FAM184B: variants seen among roughly 807,000 people sequenced by gnomAD.
FAM184B encodes the protein family with sequence similarity 184 member B, also known as protein FAM184B.
In FAM184B, 111 loss-of-function variants were observed where a neutral mutation model predicts 135.9. That is an observed-to-expected ratio of 0.82 (90% CI 0.70 to 0.96). The LOEUF is 0.96. Ranked by LOEUF, FAM184B falls within the 40% of genes least tolerant of loss-of-function variation. FAM184B has a pLI of 0.00. For synonymous variants in FAM184B, 552 were observed against 524.8 expected (o/e 1.05, Z -0.71); for missense variants, 1,375 against 1,323.9 (o/e 1.04, Z -0.60).
chr4:17,675,315 G>T (rs1474582725), intron 7 of FAM184B, among the ~76,000 whole-genome samples: 1 of 152,120 alleles, frequency 6.6e-6, no homozygotes, highest in Non-Finnish European at 1.5e-5. Context: ...GGGTGACCAG[G>T]TGGTCAGTAA....
rs1270448057 is a variant in FAM184B, at chr4:17,636,525, C to T, written c.2784+3G>A. ...TGGGTGAGGCGCCCCCTGACAGCCT[C>T]ACCGTGAGCTGCTTGATGATGTCCT... is the stretch of plus-strand genomic sequence containing the variant. On this transcript the variant is annotated splice_donor_region_variant and intron_variant, in intron 15 of 17. Transcript: ENST00000265018. 1.9e-6 allele frequency: 3 copies of T among 1,550,026 alleles called. No homozygotes were observed. Among genetic ancestry groups the T allele is most frequent in the East Asian group, 2.4e-5 (1 of 40,888 alleles).
chr4:17,669,145 C>T (rs1716117359), intron 7 of FAM184B, among the ~76,000 whole-genome samples: 4 of 152,304 alleles, frequency 2.6e-5, no homozygotes, highest in Admixed American at 2.6e-4. Flanking sequence ...GAACTGGTCA[C>T]AGGGCCCAGT....
At position 17,709,220 on chromosome 4, in the gene FAM184B, T is replaced by G; in HGVS notation, c.566A>C (p.Gln189Pro). ...CAGGACCTCCTGCATCTCCGGGCCCTGGCCTGGCTCCGACTTGGTTTCAGG... is the reference window on the plus strand; with the variant it reads ...CAGGACCTCCTGCATCTCCGGGCCCGGGCCTGGCTCCGACTTGGTTTCAGG... ...ESPETKSEPG[Q>P]GPEMQEVLLE... Residue 189 changes from glutamine to proline, a missense_variant, in exon 2 of 18, where the codon CAG (glutamine) becomes CCG (proline). By Grantham distance (76) the Gln-to-Pro change is moderately conservative (BLOSUM62 -1). Transcript: ENST00000265018. 7.1e-6 allele frequency: 11 copies of G among 1,547,532 alleles called. No individual in the cohort carries two copies. The highest frequency in any genetic ancestry group is 9.6e-6 in the Non-Finnish European group (11 of 1,145,580).
intron 10 of FAM184B, among the ~76,000 whole-genome samples, chr4:17,654,234 A>G (rs1178314491): frequency 6.6e-6 from 1 of 150,976 alleles, no homozygotes; most frequent in African/African-American, 2.4e-5. Flanking sequence ...CAGTTAATAT[A>G]TATCCCCAGG....
intron 1 of FAM184B, among the ~76,000 whole-genome samples, chr4:17,732,505 A>C (rs1185440606): frequency 1.3e-5 from 2 of 152,202 alleles, no homozygotes; most frequent in Non-Finnish European, 2.9e-5. Flanking sequence ...TAAAGGGGAT[A>C]TCACCTCCGA....
At chr4:17,750,354 A>G (rs1397633149) in intron 1 of FAM184B, among the ~76,000 whole-genome samples, 1 of 152,234 alleles carries the variant, frequency 6.6e-6, no homozygotes, top group Non-Finnish European at 1.5e-5. Flanking sequence ...CAGAGATGCC[A>G]GTAAGATATT....
chr4:17,721,724 A>G (rs1174979030), intron 1 of FAM184B, among the ~76,000 whole-genome samples: 2 of 152,176 alleles, frequency 1.3e-5, no homozygotes, highest in Non-Finnish European at 2.9e-5. Context: ...CCTGTTTGCT[A>G]GCACATGGTG....
rs144009986 is a variant in FAM184B at position 17,691,142 on chromosome 4, C to T, written c.1488+2160G>A. On this transcript the variant is annotated intron_variant, in intron 6 of 17. Coordinates refer to ENST00000265018, the MANE Select transcript of FAM184B (RefSeq NM_015688.2). ...CATACTAGAGGCAGTATTAGCTTAG[C>T]GGTTAAGGGTGGGGTCATTAGAGCC... Among the ~76,000 whole-genome samples the T allele has an allele frequency of 3.8e-3, 581 of 152,158 alleles. 2 individuals carry two copies. The highest frequency in any genetic ancestry group is 0.013 in the African/African-American group (524 of 41,502).
intron 1 of FAM184B, among the ~76,000 whole-genome samples, chr4:17,778,758 C>G (rs1718978571): frequency 6.6e-6 from 1 of 151,934 alleles, no homozygotes; most frequent in Non-Finnish European, 1.5e-5. Flanking sequence ...ACTTGGGAGT[C>G]TGAGGTGGGA....
chr4:17,755,933 C>A (rs1047240977), intron 1 of FAM184B, among the ~76,000 whole-genome samples: 1 of 152,104 alleles, frequency 6.6e-6, no homozygotes, highest in Non-Finnish European at 1.5e-5. Context: ...GGGAGAACAT[C>A]AGGAAGAATA....
At chr4:17,665,188 G>A (rs942668341) in intron 7 of FAM184B, among the ~76,000 whole-genome samples, 5 of 152,270 alleles carry the variant, frequency 3.3e-5, no homozygotes, top group South Asian at 4.1e-4. Context: ...TATTATATCC[G>A]TTTAAGAGTT....
intron 8 of FAM184B, among the ~76,000 whole-genome samples, chr4:17,662,128 T>C (rs1243138240): frequency 2.6e-5 from 4 of 152,172 alleles, no homozygotes; most frequent in Non-Finnish European, 5.9e-5. Context: ...GTTATGTTGC[T>C]CCTCATCATG....
chr4:17,630,991 A>G lies in FAM184B; in HGVS notation c.*1541T>C, dbSNP rs1714919569. 1 of 152,216 alleles carries G rather than the reference A, an allele frequency of 6.6e-6. No homozygotes were observed. The highest frequency in any genetic ancestry group is 2.1e-4 in the South Asian group (1 of 4,832). 9.4% of individuals were successfully genotyped at this position (152,216 alleles called of 1,614,324 possible). A position where few individuals can be genotyped will look rare whatever the true frequency, so the allele number is the denominator to read the frequency against. Reference sequence around the variant, plus strand: ...TGGGCCACCTTCTGGGCCAGCACCAAAGACTGAAAAAATATTTTGCCCCCT... The same window carrying G: ...TGGGCCACCTTCTGGGCCAGCACCAGAGACTGAAAAAATATTTTGCCCCCT... On this transcript the variant is annotated 3_prime_UTR_variant, in exon 18 of 18. Transcript: ENST00000265018.
chr4:17,781,346 C>T lies in FAM184B; in HGVS notation c.-47G>A. ...CAGACTCTCTCGTTTTCTCCCTGCCCACCGTGTGCACGTGCGTGCGCGCGC... is the reference window on the plus strand; with the variant it reads ...CAGACTCTCTCGTTTTCTCCCTGCCTACCGTGTGCACGTGCGTGCGCGCGC... On this transcript the variant is annotated 5_prime_UTR_variant, in exon 1 of 18. Transcript: ENST00000265018. The surrounding 1 kb of genome is among the most constrained non-coding windows in gnomAD (Gnocchi z 6.5). The T allele has an allele frequency of 2.0e-6, 3 of 1,474,774 alleles. No individual in the cohort carries two copies. Among genetic ancestry groups the T allele is most frequent in the Non-Finnish European group, 2.7e-6 (3 of 1,105,328 alleles). 91.4% of individuals were successfully genotyped at this position (1,474,774 alleles called of 1,614,324 possible). A position where few individuals can be genotyped will look rare whatever the true frequency, so the allele number is the denominator to read the frequency against.
chr4:17,714,238 A>G (rs1252653921), intron 1 of FAM184B, among the ~76,000 whole-genome samples: 2 of 152,140 alleles, frequency 1.3e-5, no homozygotes. Flanking sequence ...CAGAGGCCCC[A>G]TTTCCTAGCT....
rs1028657785 is a variant in FAM184B, at chr4:17,632,641, G to C, written c.3090-16C>G. On this transcript the variant is annotated splice_polypyrimidine_tract_variant and intron_variant, in intron 17 of 17. Transcript: ENST00000265018. ...ATCTGGGGTCCTAAAAGCAAAAAAA[G>C]GTTTTTTTATATGGTTTTGAAAACT... is the stretch of plus-strand genomic sequence containing the variant. 2.0e-6 allele frequency: 2 copies of C among 1,012,258 alleles called. No homozygotes were observed. The highest frequency in any genetic ancestry group is 2.9e-6 in the Non-Finnish European group (2 of 686,798). The allele number at this position is 1,012,258 out of a possible 1,614,324, so 62.7% of individuals were successfully genotyped here. A position where few individuals can be genotyped will look rare whatever the true frequency, so the allele number is the denominator to read the frequency against.
intron 14 of FAM184B, among the ~76,000 whole-genome samples, chr4:17,637,652 G>A (rs900749569): frequency 7.8e-6 from 1 of 128,008 alleles, no homozygotes; most frequent in Non-Finnish European, 1.7e-5. Flanking sequence ...GCTTTTGGAT[G>A]ATTTGCTTTG....
At chr4:17,757,461 AT>A (rs148145370) in intron 1 of FAM184B, among the ~76,000 whole-genome samples, 2,616 of 152,286 alleles carry the variant, frequency 0.017, 75 homozygotes, top group African/African-American at 0.06. Context: ...CTGACCAGAT[AT>A]TTTGTGATAT....
intron 6 of FAM184B, among the ~76,000 whole-genome samples, 186 bp from the exon 7 acceptor site, chr4:17,688,717 G>T (rs1175174158): frequency 1.6e-5 from 2 of 124,320 alleles, no homozygotes; most frequent in African/African-American, 6.0e-5. Context: ...TCTGATCCAG[G>T]GTCTTGCTCT....
Sources: allele counts gnomAD v4.1 joint callset (sites outside exome capture counted in the v4.1 genomes callset), GRCh38; gene constraint gnomAD v4.1.1; non-coding constraint Gnocchi (gnomAD v3.1); transcripts MANE v1.5; gene names NCBI Gene and HGNC (gene_info 2026-07-23, HGNC 2026-07-21).